ATG4A: variants seen among roughly 807,000 people sequenced by gnomAD.
ATG4A encodes cysteine protease ATG4A.
In ATG4A, 22 loss-of-function variants were observed where a neutral mutation model predicts 38.4. The ratio of observed to expected loss-of-function variants is 0.57; its 90% CI spans 0.41 to 0.82. The LOEUF (loss-of-function observed/expected upper bound fraction) is 0.82. ATG4A is among the 40% of genes least tolerant of loss of function. ATG4A has a pLI of 0.00. For synonymous variants in ATG4A, 86 were observed against 100.7 expected, an observed-to-expected ratio of 0.85 and a Z score of 0.88; for missense variants, 220 against 290.0, an observed-to-expected ratio of 0.76 and a Z score of 1.75.
In ATG4A at chrX:108,126,153, A is replaced by G; in HGVS notation, c.87A>G (p.Val29=). The G allele has an allele frequency of 8.3e-7, 1 of 1,208,481 alleles. No individual in the cohort carries two copies. Among genetic ancestry groups the G allele is most frequent in the Non-Finnish European group, 1.1e-6 (1 of 892,691 alleles). Residue 29 remains valine (V), a synonymous_variant, in exon 2 of 13, where the codon GTA becomes GTG. Transcript: ENST00000372232. ...AATATCCAGATACAGATGAGCTGGT[A>G]TGGATCTTAGGGAAGCAGCATCTCC... ...LEEYPDTDEL[V]WILGKQHLLK...
chrX:108,091,380 C>T (rs1188174466), upstream of ATG4A: 1 of 1,190,200 alleles, frequency 8.4e-7, no homozygotes, highest in African/African-American at 1.7e-5. Context: ...ACGTCGCCGA[C>T]TGCGGAGAGA....
At chrX:108,147,781 C>T (rs1318350947) in intron 9 of ATG4A, among the ~76,000 whole-genome samples, 1 of 109,948 alleles carries the variant, frequency 9.1e-6, no homozygotes, top group Non-Finnish European at 1.9e-5. Context: ...TCAGGTGTGT[C>T]AAATGCATTT....
chrX:108,147,055 C>T (rs1013549937), intron 9 of ATG4A, among the ~76,000 whole-genome samples: 115 of 111,385 alleles, frequency 1.0e-3, no homozygotes, highest in African/African-American at 3.6e-3. Context: ...GTATAGTGCA[C>T]CTCCTCATGG....
intron 1 of ATG4A, among the ~76,000 whole-genome samples, chrX:108,119,680 G>A (rs1012668059): frequency 8.9e-6 from 1 of 111,766 alleles, no homozygotes; most frequent in African/African-American, 3.3e-5. Context: ...CATATATTAA[G>A]TGGCAGGGCA....
At chrX:108,141,991 A>T (rs1418822034) in intron 9 of ATG4A, among the ~76,000 whole-genome samples, 2 of 111,438 alleles carry the variant, frequency 1.8e-5, no homozygotes, top group Non-Finnish European at 3.8e-5. Flanking sequence ...TACACCATGG[A>T]ATACTATGTG....
At position 108,154,027 on chromosome X, in the gene ATG4A, C is replaced by T; in HGVS notation, c.*315C>T. On this transcript the variant is annotated 3_prime_UTR_variant, in exon 13 of 13. Coordinates refer to ENST00000372232, the MANE Select transcript of ATG4A (RefSeq NM_052936.5). ...TCAGCTGCTGCAATGAGGAAATGGG[C>T]ATCTGGAAGACAAACAGCAACTCTC... 5.5e-6 allele frequency: 1 copy of T among 180,564 alleles called. No homozygotes were observed. The highest frequency in any genetic ancestry group is 1.0e-5 in the Non-Finnish European group (1 of 97,635). The allele number at this position is 180,564 out of a possible 1,213,427, so 14.9% of individuals were successfully genotyped here. A position where few individuals can be genotyped will look rare whatever the true frequency, so the allele number is the denominator to read the frequency against.
At chrX:108,104,570 ATTCT>A (rs1321897409) in intron 1 of ATG4A, among the ~76,000 whole-genome samples, 1 of 111,134 alleles carries the variant, frequency 9.0e-6, no homozygotes, top group Non-Finnish European at 1.9e-5. Context: ...TGCTTTCAAA[ATTCT>A]TTCTTTGTCT....
chrX:108,152,302 TG>T (rs1331443113), intron 11 of ATG4A, among the ~76,000 whole-genome samples: 14 of 111,426 alleles, frequency 1.3e-4, no homozygotes, highest in Non-Finnish European at 2.1e-4. Context: ...TGGCGGGATC[TG>T]GGTGCACTGC....
upstream of ATG4A, among the ~76,000 whole-genome samples, chrX:108,089,946 G>A (rs2031553052): frequency 8.9e-6 from 1 of 112,230 alleles, no homozygotes; most frequent in African/African-American, 3.2e-5. Context: ...CCACAGAATA[G>A]AAAATGGTAT....
rs543642023 is a variant in ATG4A, at chrX:108,115,526, C to T, written c.11-10551C>T. Among the ~76,000 whole-genome samples the T allele has an allele frequency of 8.0e-4, 90 of 112,151 alleles. No individual in the cohort carries two copies. In the South Asian group the frequency reaches 0.033, roughly 42 times the overall value. ...TGTAAATTGAGTCATACTGTATCTA[C>T]TATTTTGCATCTGGCTTCTTTTGTT... On this transcript the variant is annotated intron_variant, in intron 1 of 12. Coordinates refer to ENST00000372232, the MANE Select transcript of ATG4A (RefSeq NM_052936.5).
rs963598538 is a variant in ATG4A, at chrX:108,149,826, C to T, written c.815-326C>T. Among the ~76,000 whole-genome samples, 13 of 112,496 alleles carry T rather than the reference C, an allele frequency of 1.2e-4. 1 individual carries two copies. The highest frequency in any genetic ancestry group is 4.2e-4 in the African/African-American group (13 of 30,921). On this transcript the variant is annotated intron_variant, in intron 9 of 12. Transcript: ENST00000372232. Reference sequence around the variant, plus strand: ...GCCCACGACCTGGTGACTCCACCTACCGCCTCTTTGCTACTGCTGCTCACA... The same window carrying T: ...GCCCACGACCTGGTGACTCCACCTATCGCCTCTTTGCTACTGCTGCTCACA...
chrX:108,091,265 G>A, upstream of ATG4A: 1 of 524,790 alleles, frequency 1.9e-6, no homozygotes, highest in Non-Finnish European at 3.3e-6. Flanking sequence ...GAGTCCCGAG[G>A]TGACCCAGGG....
chrX:108,122,889 G>A (rs115702662), intron 1 of ATG4A, among the ~76,000 whole-genome samples: 176 of 112,012 alleles, frequency 1.6e-3, no homozygotes, highest in African/African-American at 5.5e-3. Flanking sequence ...AAGATTACAC[G>A]CATGCATAGG....
intron 1 of ATG4A, among the ~76,000 whole-genome samples, chrX:108,119,379 C>T (rs182389938): frequency 1.8e-5 from 2 of 111,272 alleles, no homozygotes; most frequent in Non-Finnish European, 3.8e-5. Context: ...AGGTGTGGAC[C>T]GGTGGCTTTC....
chrX:108,127,936 C>G lies in ATG4A; in HGVS notation c.122-845C>G, dbSNP rs942708048. On this transcript the variant is annotated intron_variant, in intron 2 of 12. Coordinates refer to ENST00000372232, the MANE Select transcript of ATG4A (RefSeq NM_052936.5). The stretch of plus-strand genomic sequence containing the variant: ...AGAAAGCATGCTTTGAAAAAAGACA[C>G]AAAAACATTTGTGATATTATATATG... 1.6e-4 allele frequency among the ~76,000 whole-genome samples: 18 copies of G among 111,998 alleles called. 1 individual carries two copies.
chrX:108,135,564 C>G (rs1180819695), intron 6 of ATG4A, among the ~76,000 whole-genome samples: 1 of 111,561 alleles, frequency 9.0e-6, no homozygotes, highest in Non-Finnish European at 1.9e-5. Context: ...GCTCTCTTGC[C>G]ATAGTCAGAG....
chrX:108,109,349 T>C (rs2032287399), intron 1 of ATG4A, among the ~76,000 whole-genome samples: 1 of 112,335 alleles, frequency 8.9e-6, no homozygotes, highest in South Asian at 3.7e-4. Flanking sequence ...TGATTTTTTG[T>C]TGTTCTTTAT....
intron 10 of ATG4A, among the ~76,000 whole-genome samples, chrX:108,151,404 C>T (rs1298782695): frequency 8.9e-6 from 1 of 112,329 alleles, no homozygotes; most frequent in African/African-American, 3.2e-5. Flanking sequence ...AAGGTCAATG[C>T]CATCTTCTTA....
intron 9 of ATG4A, among the ~76,000 whole-genome samples, chrX:108,140,612 T>A (rs936003483): frequency 1.9e-5 from 2 of 103,550 alleles, no homozygotes; most frequent in Admixed American, 1.1e-4. Context: ...ATATATAAAA[T>A]ATATATATAA....
Sources: allele counts gnomAD v4.1 joint callset (sites outside exome capture counted in the v4.1 genomes callset), GRCh38; gene constraint gnomAD v4.1.1; transcripts MANE v1.5; gene names NCBI Gene and HGNC (gene_info 2026-07-23, HGNC 2026-07-21).